FAM178B: variants seen among roughly 807,000 people sequenced by gnomAD.
The protein encoded by FAM178B is family with sequence similarity 178 member B, also known as protein FAM178B.
Under a neutral mutation model 91.7 loss-of-function variants are expected in FAM178B, and 82 were observed. That is an observed-to-expected ratio of 0.89 (90% CI 0.75 to 1.07). The LOEUF is 1.07. Ranked by LOEUF, FAM178B falls within the 50% of genes least tolerant of loss-of-function variation. The probability of loss-of-function intolerance (pLI) is 0.00; values close to 1 mark genes in which losing one functional copy is unlikely to be tolerated. For missense variants in FAM178B, 769 were observed against 846.7 expected (o/e 0.91, Z 1.14); for synonymous variants, 368 against 359.4 (o/e 1.02, Z -0.27).
At chr2:96,929,131 T>C in intron 9 of FAM178B, 75 bp downstream of exon 9, 1 of 1,076,862 alleles carries the variant, frequency 9.3e-7, no homozygotes, top group African/African-American at 1.6e-5. Flanking sequence ...GTATTCCAGT[T>C]CTGAGTGACA....
intron 5 of FAM178B, among the ~76,000 whole-genome samples, chr2:96,960,905 G>C (rs1196553329): frequency 6.6e-6 from 1 of 152,172 alleles, no homozygotes; most frequent in Non-Finnish European, 1.5e-5. Flanking sequence ...TCCTGGGAGG[G>C]GCAGGAAGGC....
rs187344562 is a variant in FAM178B at position 96,876,044 on chromosome 2, C to G, written c.*232G>C. On this transcript the variant is annotated 3_prime_UTR_variant, in exon 17 of 17. Transcript: ENST00000490605. ...GCTGGGAGGAGGGCTGAGGGGTGGG[C>G]GAGGCAGAGAGGCCCATCCCTTGCT... 1.8e-6 allele frequency: 1 copy of G among 561,576 alleles called. No individual in the cohort carries two copies. 34.8% of individuals were successfully genotyped at this position (561,576 alleles called of 1,614,324 possible). A position where few individuals can be genotyped will look rare whatever the true frequency, so the allele number is the denominator to read the frequency against.
chr2:96,943,799 C>T (rs991106140), intron 8 of FAM178B, among the ~76,000 whole-genome samples: 26 of 152,202 alleles, frequency 1.7e-4, no homozygotes, highest in African/African-American at 5.1e-4. Flanking sequence ...CCACTGCTCC[C>T]TGCTTCCCTT....
intron 14 of FAM178B, among the ~76,000 whole-genome samples, chr2:96,879,677 G>A (rs1343109346): frequency 1.3e-5 from 2 of 152,260 alleles, no homozygotes; most frequent in Admixed American, 6.5e-5. Context: ...GCCCACGGGT[G>A]GTCTGACTCC....
intron 8 of FAM178B, 96 bp from the exon 9 acceptor site, chr2:96,929,416 G>C: frequency 1.1e-6 from 1 of 874,008 alleles, no homozygotes; most frequent in East Asian, 2.7e-5. Flanking sequence ...CCTGGCCCAA[G>C]ATAACCAGTT....
chr2:96,957,941 T>C (rs906356562), intron 6 of FAM178B, among the ~76,000 whole-genome samples: 1 of 152,150 alleles, frequency 6.6e-6, no homozygotes, highest in Middle Eastern at 3.2e-3. Context: ...AAAACTTTTA[T>C]GTTCAAAAAA....
At chr2:96,892,932 A>G (rs1197727463) in intron 14 of FAM178B, among the ~76,000 whole-genome samples, 2 of 152,256 alleles carry the variant, frequency 1.3e-5, no homozygotes, top group Non-Finnish European at 2.9e-5. Flanking sequence ...CCTGGGAGGC[A>G]GCAGCCTCAT....
chr2:96,892,155 C>T (rs1031982790), intron 14 of FAM178B, among the ~76,000 whole-genome samples: 3 of 152,172 alleles, frequency 2.0e-5, no homozygotes, highest in Admixed American at 2.0e-4. Context: ...GGGAGTGGAG[C>T]CCAGTCACCT....
At chr2:96,977,624 T>A (rs1220979748) in intron 1 of FAM178B, among the ~76,000 whole-genome samples, 1 of 151,622 alleles carries the variant, frequency 6.6e-6, no homozygotes, top group Non-Finnish European at 1.5e-5. Flanking sequence ...ATGGTAAGAA[T>A]AAAATAGGAG....
chr2:96,937,507 C>T (rs538683281), intron 8 of FAM178B, among the ~76,000 whole-genome samples: 2 of 152,244 alleles, frequency 1.3e-5, no homozygotes, highest in Admixed American at 6.5e-5. Flanking sequence ...GCCAACTGCC[C>T]GTGGCTCAGT....
chr2:96,894,926 C>T, intron 13 of FAM178B: 3 of 476,238 alleles, frequency 6.3e-6, no homozygotes, highest in Non-Finnish European at 1.0e-5. Flanking sequence ...CACCCATCCC[C>T]ACCCCCTGCA....
intron 7 of FAM178B, among the ~76,000 whole-genome samples, chr2:96,948,972 G>A (rs1334266059): frequency 6.6e-6 from 1 of 152,192 alleles, no homozygotes; most frequent in Non-Finnish European, 1.5e-5. Flanking sequence ...CTGCGTGGAT[G>A]CCCTCCGGTC....
intron 1 of FAM178B, among the ~76,000 whole-genome samples, chr2:96,972,832 T>C (rs2082241083): frequency 6.6e-6 from 1 of 152,070 alleles, no homozygotes; most frequent in African/African-American, 2.4e-5. Context: ...CAATTTTCTT[T>C]TTTTAGACGG....
intron 1 of FAM178B, among the ~76,000 whole-genome samples, chr2:96,976,369 AG>A (rs1266779609): frequency 1.3e-5 from 2 of 151,964 alleles, no homozygotes; most frequent in Admixed American, 6.6e-5. Flanking sequence ...CTGGGATTAC[AG>A]GCGTGAGCCA....
intron 8 of FAM178B, among the ~76,000 whole-genome samples, chr2:96,942,537 T>C (rs1279960430): frequency 6.6e-5 from 10 of 152,060 alleles, no homozygotes; most frequent in African/African-American, 2.2e-4. Context: ...GGATTACAGG[T>C]GCCTGCCACC....
chr2:96,906,071 A>G (rs751151642), intron 12 of FAM178B, among the ~76,000 whole-genome samples: 233 of 146,716 alleles, frequency 1.6e-3, no homozygotes, highest in Non-Finnish European at 2.7e-3. Flanking sequence ...GGGTTTCTCC[A>G]TGTTGGTCAG....
intron 1 of FAM178B, among the ~76,000 whole-genome samples, chr2:96,984,684 A>G (rs2082402137): frequency 6.6e-6 from 1 of 152,242 alleles, no homozygotes; most frequent in Non-Finnish European, 1.5e-5. Flanking sequence ...TGCAGCTACC[A>G]GCTGTTTCTT....
chr2:96,964,256 A>T (rs1361518868), intron 5 of FAM178B, among the ~76,000 whole-genome samples: 1 of 151,942 alleles, frequency 6.6e-6, no homozygotes, highest in African/African-American at 2.4e-5. Flanking sequence ...GGTGTGACTC[A>T]TAACTATCTC....
At chr2:96,971,755 A>G (rs1386779759) in intron 3 of FAM178B, 146 bp downstream of exon 3, 2 of 716,080 alleles carry the variant, frequency 2.8e-6, no homozygotes, top group Admixed American at 3.8e-5. Context: ...TGAGGGCCCA[A>G]GGGCTGAGCA....
Sources: allele counts gnomAD v4.1 joint callset (sites outside exome capture counted in the v4.1 genomes callset), GRCh38; gene constraint gnomAD v4.1.1; transcripts MANE v1.5; gene names NCBI Gene and HGNC (gene_info 2026-07-23, HGNC 2026-07-21).